The following C16orf74 variants were observed in gnomAD, a reference collection of about 807,000 sequenced individuals.
C16orf74 encodes the protein uncharacterized protein C16orf74.
A neutral mutation model predicts 6.5 loss-of-function variants in C16orf74; 10 were observed. That is an observed-to-expected ratio of 1.54 (90% CI 0.95 to 2.61). C16orf74 has a LOEUF of 2.61. Among genes scored for constraint, C16orf74 ranks in the 30% most tolerant of loss-of-function variants. C16orf74 has a pLI of 0.00. For synonymous variants in C16orf74, 60 were observed against 42.5 expected, an observed-to-expected ratio of 1.41 and a Z score of -1.60; for missense variants, 141 against 105.9, an observed-to-expected ratio of 1.33 and a Z score of -1.45.
intron 2 of C16orf74, among the ~76,000 whole-genome samples, chr16:85,713,830 T>C (rs1013547117): frequency 1.3e-5 from 2 of 151,914 alleles, no homozygotes; most frequent in East Asian, 1.9e-4. Context: ...TCAGGAGGAG[T>C]TGGTGCTGTC....
chr16:85,718,954 C>T (rs940291183), intron 2 of C16orf74, among the ~76,000 whole-genome samples: 1 of 152,248 alleles, frequency 6.6e-6, no homozygotes, highest in Non-Finnish European at 1.5e-5. Context: ...GGGTGCTACA[C>T]AAAATATTCC....
intron 2 of C16orf74, among the ~76,000 whole-genome samples, chr16:85,711,315 TA>T (rs34082214): frequency 2.2e-3 from 276 of 123,934 alleles, no homozygotes; most frequent in African/African-American, 4.2e-3. Context: ...GACTCCATCT[TA>T]AAAAAAAAAA....
intron 1 of C16orf74, among the ~76,000 whole-genome samples, chr16:85,740,440 C>T (rs187416451): frequency 2.8e-3 from 429 of 151,212 alleles, no homozygotes; most frequent in Admixed American, 3.3e-3. Context: ...CGGTGGCTCA[C>T]GCCTGTAATC....
intron 3 of C16orf74, among the ~76,000 whole-genome samples, 179 bp downstream of exon 3, chr16:85,709,985 G>A (rs1413257023): frequency 2.0e-5 from 3 of 152,254 alleles, no homozygotes; most frequent in African/African-American, 7.2e-5. Flanking sequence ...TGCTGAGGCT[G>A]GCGCCGTGGC....
chr16:85,724,808 A>T (rs2054117190), intron 2 of C16orf74, among the ~76,000 whole-genome samples: 1 of 152,182 alleles, frequency 6.6e-6, no homozygotes, highest in African/African-American at 2.4e-5. Flanking sequence ...TGTGTGTGCC[A>T]AGTCTTGGGC....
intron 1 of C16orf74, among the ~76,000 whole-genome samples, chr16:85,750,612 C>T (rs992816040): frequency 6.6e-6 from 1 of 152,220 alleles, no homozygotes; most frequent in African/African-American, 2.4e-5. Flanking sequence ...CCAAGGAACT[C>T]GTGACGGCGC....
intron 1 of C16orf74, among the ~76,000 whole-genome samples, chr16:85,745,728 G>A (rs965041907): frequency 6.2e-5 from 9 of 146,332 alleles, no homozygotes; most frequent in Non-Finnish European, 1.0e-4. Flanking sequence ...ATCTCCCGCT[G>A]ACTGAGGGAC....
intron 3 of C16orf74, among the ~76,000 whole-genome samples, chr16:85,709,362 A>T (rs1451988288): frequency 2.0e-5 from 3 of 152,172 alleles, no homozygotes; most frequent in African/African-American, 7.2e-5. Context: ...TCAAAAAAAT[A>T]AATAAATACA....
At chr16:85,713,407 G>A (rs1473558710) in intron 2 of C16orf74, among the ~76,000 whole-genome samples, 11 of 152,104 alleles carry the variant, frequency 7.2e-5, no homozygotes, top group Admixed American at 6.6e-5. Context: ...CAAGTAGTTG[G>A]GATTACAGGC....
chr16:85,719,695 A>T (rs916274037), intron 2 of C16orf74, among the ~76,000 whole-genome samples: 3 of 152,146 alleles, frequency 2.0e-5, no homozygotes, highest in Non-Finnish European at 2.9e-5. Flanking sequence ...TGGGAATTGG[A>T]AAAGGCTTTT....
intron 1 of C16orf74, among the ~76,000 whole-genome samples, chr16:85,740,168 C>G (rs1263588755): frequency 7.3e-6 from 1 of 136,308 alleles, no homozygotes; most frequent in African/African-American, 2.8e-5. Flanking sequence ...CGAGATCACG[C>G]CATTGCACCC....
intron 3 of C16orf74, among the ~76,000 whole-genome samples, chr16:85,709,189 T>C (rs1384362146): frequency 1.3e-5 from 2 of 152,128 alleles, no homozygotes; most frequent in Non-Finnish European, 2.9e-5. Context: ...ACCCCATTTC[T>C]ACTAAAATAC....
At chr16:85,749,660 G>T (rs2054414093) in intron 1 of C16orf74, among the ~76,000 whole-genome samples, 1 of 152,220 alleles carries the variant, frequency 6.6e-6, no homozygotes, top group Non-Finnish European at 1.5e-5. Flanking sequence ...GAAAACGCAG[G>T]GTCTGGTGCA....
chr16:85,722,081 G>A (rs433010), intron 2 of C16orf74, among the ~76,000 whole-genome samples: 3 of 147,818 alleles, frequency 2.0e-5, no homozygotes, highest in African/African-American at 7.5e-5. Context: ...GCCTTGGCCT[G>A]CTAACTCCTG....
Position 85,708,235 on chromosome 16 carries a change from G to A in C16orf74, c.173-169C>T, listed in dbSNP as rs868444847. ...GATGCTGGATCCTTCTGGGTGAATCGGACCCCGGAACTGCTTCAGTTTAAG... is the reference window on the plus strand; with the variant it reads ...GATGCTGGATCCTTCTGGGTGAATCAGACCCCGGAACTGCTTCAGTTTAAG... On this transcript the variant is annotated intron_variant, in intron 3 of 3. Transcript: ENST00000284245. 9.2e-5 allele frequency among the ~76,000 whole-genome samples: 14 copies of A among 152,264 alleles called. No individual in the cohort carries two copies. In the Middle Eastern group the frequency reaches 0.017, roughly 185 times the overall value.
chr16:85,732,400 T>A (rs990708554), intron 2 of C16orf74, among the ~76,000 whole-genome samples: 1 of 152,010 alleles, frequency 6.6e-6, no homozygotes, highest in Non-Finnish European at 1.5e-5. Context: ...GTGTGGTGGC[T>A]CACGCCTGTA....
intron 2 of C16orf74, among the ~76,000 whole-genome samples, chr16:85,722,401 G>A (rs79028707): frequency 0.011 from 1,634 of 152,340 alleles, 30 homozygotes; most frequent in African/African-American, 0.037. Context: ...CATGGGCCCT[G>A]TGGGCAGCTG....
At position 85,715,952 on chromosome 16, in the gene C16orf74, C is replaced by T. The variant is rs139547276; in HGVS notation, c.29-5645G>A. Among the ~76,000 whole-genome samples, 114 of 152,278 alleles carry T rather than the reference C, an allele frequency of 7.5e-4. 1 individual carries two copies. The East Asian group carries it at 0.019, about 25-fold the overall frequency. ...CCCAGCCAGCTGCCCCATAAGTGTTCTCTATTATCATCCACAAAGAGCTCC... is the reference window on the plus strand; with the variant it reads ...CCCAGCCAGCTGCCCCATAAGTGTTTTCTATTATCATCCACAAAGAGCTCC... On this transcript the variant is annotated intron_variant, in intron 2 of 3. Transcript: ENST00000284245.
intron 3 of C16orf74, among the ~76,000 whole-genome samples, chr16:85,709,064 C>G (rs4843587): frequency 0.42 from 63,695 of 152,190 alleles, 13,968 homozygotes; most frequent in East Asian, 0.7. Flanking sequence ...TAGTTTACCC[C>G]TGTCTAAAAT....
Sources: allele counts gnomAD v4.1 joint callset (sites outside exome capture counted in the v4.1 genomes callset), GRCh38; gene constraint gnomAD v4.1.1; transcripts MANE v1.5; gene names NCBI Gene and HGNC (gene_info 2026-07-23, HGNC 2026-07-21).